ERC2: variants seen among roughly 807,000 people sequenced by gnomAD.
ERC2 encodes the protein ELKS/RAB6-interacting/CAST family member 2.
Under a neutral mutation model 114.8 loss-of-function variants are expected in ERC2, and 42 were observed. That is an observed-to-expected ratio of 0.37 (90% CI 0.29 to 0.47). ERC2 has a LOEUF of 0.47. Among genes scored for constraint, ERC2 ranks in the 20% least tolerant of loss-of-function variants. ERC2 has a pLI of 0.99. For missense variants in ERC2, 939 were observed against 1,150.7 expected (o/e 0.82, Z 2.66); for synonymous variants, 454 against 425.5 (o/e 1.07, Z -0.82).
At chr3:55,809,426 C>A (rs2059629394) in intron 14 of ERC2, among the ~76,000 whole-genome samples, 1 of 152,078 alleles carries the variant, frequency 6.6e-6, no homozygotes, top group Admixed American at 6.6e-5. Flanking sequence ...GCAAAGGAAA[C>A]AATCAACAGA....
chr3:55,898,032 A>G (rs2063925508), intron 13 of ERC2, among the ~76,000 whole-genome samples: 1 of 152,204 alleles, frequency 6.6e-6, no homozygotes, highest in Non-Finnish European at 1.5e-5. Context: ...AACGTTTCAC[A>G]TTCTCCCTTT....
rs146969484 is a variant in ERC2, at chr3:55,692,983, T to C, written c.2847+6395A>G. On this transcript the variant is annotated intron_variant, in intron 16 of 17. Coordinates refer to ENST00000288221, the MANE Select transcript of ERC2 (RefSeq NM_015576.3). ...AACATGTGTCCCAAGTAGAATTCTATGGGAATTTTCAGCAGAAAATGGAAG... is the reference window on the plus strand; with the variant it reads ...AACATGTGTCCCAAGTAGAATTCTACGGGAATTTTCAGCAGAAAATGGAAG... Among the ~76,000 whole-genome samples the C allele has an allele frequency of 2.5e-3, 387 of 152,296 alleles. 3 individuals are homozygous for C. Among genetic ancestry groups the C allele is most frequent in the African/African-American group, 8.7e-3 (362 of 41,568 alleles).
chr3:56,343,766 A>T (rs2058195143), intron 2 of ERC2, among the ~76,000 whole-genome samples: 1 of 152,226 alleles, frequency 6.6e-6, no homozygotes, highest in Admixed American at 6.5e-5. Context: ...AAAGGACAGG[A>T]CACAAAGCAG....
At chr3:56,137,042 G>T (rs915475859) in intron 6 of ERC2, among the ~76,000 whole-genome samples, 1 of 152,266 alleles carries the variant, frequency 6.6e-6, no homozygotes, top group Admixed American at 6.5e-5. Flanking sequence ...CATGAAATAT[G>T]TATAGGTCTA....
chr3:55,856,425 C>T (rs897170354), intron 14 of ERC2, among the ~76,000 whole-genome samples: 8 of 152,172 alleles, frequency 5.3e-5, no homozygotes, highest in African/African-American at 1.4e-4. Context: ...ATTCAATCGG[C>T]GCTGTTCTGA....
Position 56,408,763 on chromosome 3 carries a change from G to A in ERC2, c.657+25588C>T, listed in dbSNP as rs563390470. On this transcript the variant is annotated intron_variant, in intron 2 of 17. Coordinates refer to ENST00000288221, the MANE Select transcript of ERC2 (RefSeq NM_015576.3). ...TGGCAGGCTCCTTCAGACAGCGTCA[G>A]GAGAGAAGGGCTCCCCGAGTGGGTG... 2.8e-4 allele frequency among the ~76,000 whole-genome samples: 43 copies of A among 152,358 alleles called. 1 individual carries two copies. The highest frequency in any genetic ancestry group is 3.4e-3 in the Middle Eastern group (1 of 294).
At position 56,067,721 on chromosome 3, in the gene ERC2, C is replaced by T. The variant is rs372257200; in HGVS notation, c.1641+13096G>A. 3.5e-4 allele frequency among the ~76,000 whole-genome samples: 53 copies of T among 152,228 alleles called. 1 individual carries two copies. The East Asian group carries it at 9.1e-3, about 26-fold the overall frequency. On this transcript the variant is annotated intron_variant, in intron 7 of 17. Transcript: ENST00000288221. ...TATTTTGAGATATGTTCCACCAATA[C>T]GTAGTTTATTGAGACTTTTTAACAT... is the stretch of plus-strand genomic sequence containing the variant.
intron 2 of ERC2, among the ~76,000 whole-genome samples, chr3:56,405,473 GC>G (rs1482515134): frequency 6.6e-6 from 1 of 151,854 alleles, no homozygotes; most frequent in Non-Finnish European, 1.5e-5. Flanking sequence ...CTGGGCAGTA[GC>G]CCTGATCAAA....
At chr3:55,941,414 T>C (rs2066784898) in intron 13 of ERC2, among the ~76,000 whole-genome samples, 1 of 152,134 alleles carries the variant, frequency 6.6e-6, no homozygotes, top group East Asian at 1.9e-4. Flanking sequence ...CTCTATTGAC[T>C]CAATTAGAGT....
chr3:56,051,856 C>T (rs1039952616), intron 7 of ERC2, among the ~76,000 whole-genome samples: 1 of 145,080 alleles, frequency 6.9e-6, no homozygotes, highest in Admixed American at 6.7e-5. Flanking sequence ...CACACACACA[C>T]ACACACACAC....
At chr3:55,895,729 C>T (rs938310711) in intron 13 of ERC2, among the ~76,000 whole-genome samples, 3 of 152,146 alleles carry the variant, frequency 2.0e-5, no homozygotes, top group Non-Finnish European at 4.4e-5. Flanking sequence ...AAGGGGAGCA[C>T]AAAGACGTGA....
chr3:55,836,125 C>T (rs186377211), intron 14 of ERC2, among the ~76,000 whole-genome samples: 1 of 151,764 alleles, frequency 6.6e-6, no homozygotes, highest in African/African-American at 2.4e-5. Context: ...AATGGAAGAA[C>T]ATTCCATGCT....
At chr3:56,182,639 A>G (rs1379338826) in intron 3 of ERC2, among the ~76,000 whole-genome samples, 1 of 152,206 alleles carries the variant, frequency 6.6e-6, no homozygotes, top group Non-Finnish European at 1.5e-5. Flanking sequence ...TAACTTACTC[A>G]AGAAAACCTT....
chr3:55,660,945 G>C (rs1228068892), intron 17 of ERC2, among the ~76,000 whole-genome samples: 2 of 152,314 alleles, frequency 1.3e-5, no homozygotes, highest in South Asian at 2.1e-4. Context: ...CACCTAAAAT[G>C]AGGTAAGCAC....
At chr3:55,991,867 C>T (rs1350080957) in intron 11 of ERC2, among the ~76,000 whole-genome samples, 190 bp downstream of exon 11, 1 of 152,184 alleles carries the variant, frequency 6.6e-6, no homozygotes, top group Non-Finnish European at 1.5e-5. Context: ...TATAATCCCT[C>T]AGAAGATAAG....
intron 6 of ERC2, among the ~76,000 whole-genome samples, chr3:56,113,499 G>A (rs548352885): frequency 1.3e-4 from 20 of 152,144 alleles, no homozygotes; most frequent in Non-Finnish European, 1.6e-4. Context: ...ACTTTGCAGT[G>A]GGTATATGTG....
At chr3:56,188,280 T>C (rs958557986) in intron 3 of ERC2, among the ~76,000 whole-genome samples, 1 of 152,198 alleles carries the variant, frequency 6.6e-6, no homozygotes, top group Non-Finnish European at 1.5e-5. Context: ...TCCACATTCC[T>C]GGATCTTTAC....
intron 14 of ERC2, among the ~76,000 whole-genome samples, chr3:55,812,726 G>T (rs1218926126): frequency 1.3e-5 from 2 of 152,220 alleles, no homozygotes; most frequent in East Asian, 3.9e-4. Context: ...AAAACCCAGG[G>T]TCATGGGTGT....
intron 17 of ERC2, among the ~76,000 whole-genome samples, chr3:55,636,996 C>A (rs1251500495): frequency 6.6e-6 from 1 of 152,210 alleles, no homozygotes; most frequent in Non-Finnish European, 1.5e-5. Context: ...CACTTCCCGA[C>A]CATTGCCAGG....
Sources: allele counts gnomAD v4.1 joint callset (sites outside exome capture counted in the v4.1 genomes callset), GRCh38; gene constraint gnomAD v4.1.1; transcripts MANE v1.5; gene names NCBI Gene and HGNC (gene_info 2026-07-23, HGNC 2026-07-21).